The following SNX10 variants were observed in gnomAD, a reference collection of about 807,000 sequenced individuals.
SNX10 encodes sorting nexin-10.
In SNX10, 25 loss-of-function variants were observed where a neutral mutation model predicts 28.5. That is an observed-to-expected ratio of 0.88 (90% CI 0.64 to 1.22). SNX10 has a LOEUF of 1.22. SNX10 is among the 50% of genes most tolerant of loss of function. The pLI, the probability that SNX10 is intolerant of heterozygous loss-of-function variation, is 0.00. For missense variants in SNX10, 223 were observed against 242.6 expected, an observed-to-expected ratio of 0.92 and a Z score of 0.54; for synonymous variants, 62 against 81.4, an observed-to-expected ratio of 0.76 and a Z score of 1.28.
At chr7:26,308,766 G>A (rs759199678) in intron 1 of SNX10, among the ~76,000 whole-genome samples, 8 of 152,272 alleles carry the variant, frequency 5.3e-5, no homozygotes, top group African/African-American at 9.6e-5. Flanking sequence ...AAGCACAGGC[G>A]AAACAGCCTG....
chr7:26,301,576 G>A (rs979141022), intron 1 of SNX10, among the ~76,000 whole-genome samples: 6 of 152,176 alleles, frequency 3.9e-5, no homozygotes, highest in Non-Finnish European at 4.4e-5. Context: ...GTGTGACAAG[G>A]CTTTCTGACA....
intron 1 of SNX10, among the ~76,000 whole-genome samples, chr7:26,294,047 G>C (rs891144896): frequency 3.3e-5 from 5 of 152,144 alleles, no homozygotes; most frequent in African/African-American, 1.2e-4. Flanking sequence ...ACAGGGCTGT[G>C]GTTTCACAAC....
At chr7:26,309,764 A>G (rs1786747446) in intron 1 of SNX10, among the ~76,000 whole-genome samples, 1 of 152,076 alleles carries the variant, frequency 6.6e-6, no homozygotes, top group Non-Finnish European at 1.5e-5. Context: ...ATGTAGGGGT[A>G]CCTTGTGGTG....
At chr7:26,323,017 G>A (rs911191127) in intron 1 of SNX10, among the ~76,000 whole-genome samples, 2 of 152,166 alleles carry the variant, frequency 1.3e-5, no homozygotes, top group Admixed American at 6.5e-5. Context: ...GGAGTTCGAG[G>A]CAGAAGGATC....
At chr7:26,300,194 G>C (rs766361993) in intron 1 of SNX10, among the ~76,000 whole-genome samples, 2 of 152,088 alleles carry the variant, frequency 1.3e-5, no homozygotes, top group Non-Finnish European at 2.9e-5. Context: ...CTGGGCAACA[G>C]AGCGAGACTC....
At chr7:26,326,161 C>T (rs959711726) in intron 1 of SNX10, among the ~76,000 whole-genome samples, 7 of 152,124 alleles carry the variant, frequency 4.6e-5, no homozygotes, top group Non-Finnish European at 7.4e-5. Context: ...ATTTCGTTAA[C>T]GAGAAAACGT....
At chr7:26,365,010 T>C in intron 4 of SNX10, 37 bp from the exon 5 acceptor site, 1 of 1,297,566 alleles carries the variant, frequency 7.7e-7, no homozygotes, top group East Asian at 2.3e-5. Context: ...CACCTTGAGT[T>C]AATCATTTAA....
chr7:26,324,138 C>A (rs1236778815), intron 1 of SNX10, among the ~76,000 whole-genome samples: 1 of 152,048 alleles, frequency 6.6e-6, no homozygotes, highest in Non-Finnish European at 1.5e-5. Context: ...ATACAGGTAA[C>A]ATCCACTCAG....
chr7:26,319,577 A>C (rs944900414), intron 1 of SNX10, among the ~76,000 whole-genome samples: 2 of 152,190 alleles, frequency 1.3e-5, no homozygotes, highest in African/African-American at 4.8e-5. Context: ...ATCATTACAA[A>C]CATATTGGTC....
At chr7:26,310,415 T>A (rs73683283) in intron 1 of SNX10, among the ~76,000 whole-genome samples, 5,073 of 152,278 alleles carry the variant, frequency 0.033, 279 homozygotes, top group African/African-American at 0.11. Flanking sequence ...TCAGAGGACA[T>A]ATAATCCTCA....
intron 5 of SNX10, among the ~76,000 whole-genome samples, chr7:26,365,619 T>C (rs760465062): frequency 1.1e-4 from 16 of 151,942 alleles, no homozygotes; most frequent in Non-Finnish European, 2.1e-4. Context: ...TATAAAGGAG[T>C]ATTTGGTGGC....
chr7:26,353,462 G>GGA (rs1562813906), intron 2 of SNX10, among the ~76,000 whole-genome samples: 17 of 96,592 alleles, frequency 1.8e-4, no homozygotes, highest in Middle Eastern at 7.7e-3. Context: ...TTTTTTTTTG[G>GGA]TGGGGAGACA....
At chr7:26,348,581 C>T (rs1176714589) in intron 2 of SNX10, among the ~76,000 whole-genome samples, 2 of 152,210 alleles carry the variant, frequency 1.3e-5, no homozygotes, top group Non-Finnish European at 2.9e-5. Flanking sequence ...GCGGAGTTAT[C>T]CTCCCAGCAC....
chr7:26,360,972 C>T lies in SNX10; in HGVS notation c.25-3C>T, dbSNP rs751103102. Reference sequence around the variant, plus strand: ...TATTTCTTTGTTTATGATGCCATTACAGGAATTTGTAAGTGTCTGGGTTCG... The same window carrying T: ...TATTTCTTTGTTTATGATGCCATTATAGGAATTTGTAAGTGTCTGGGTTCG... On this transcript the variant is annotated splice_polypyrimidine_tract_variant and splice_region_variant and intron_variant, in intron 2 of 6. Transcript: ENST00000338523. The T allele has an allele frequency of 7.6e-6, 12 of 1,582,826 alleles. No homozygotes were observed. Among genetic ancestry groups the T allele is most frequent in the Non-Finnish European group, 7.7e-6 (9 of 1,162,528 alleles).
At chr7:26,353,212 C>T (rs1233187292) in intron 2 of SNX10, among the ~76,000 whole-genome samples, 1 of 152,158 alleles carries the variant, frequency 6.6e-6, no homozygotes, top group Non-Finnish European at 1.5e-5. Flanking sequence ...TTTAAACATA[C>T]TCCATGCTGT....
rs537452120 is a variant in SNX10 at position 26,372,943 on chromosome 7, G to A, written c.*371G>A. 1 of 197,936 alleles carries A rather than the reference G, an allele frequency of 5.1e-6. No individual in the cohort carries two copies. The highest frequency in any genetic ancestry group is 1.3e-4 in the East Asian group (1 of 7,420). The allele number at this position is 197,936 out of a possible 1,614,324, so 12.3% of individuals were successfully genotyped here. A position where few individuals can be genotyped will look rare whatever the true frequency, so the allele number is the denominator to read the frequency against. ...AGATAGAGCATTCCTTCTTGTATCA[G>A]TGGGGCAGTGTTACCATAAACACGG... On this transcript the variant is annotated 3_prime_UTR_variant, in exon 7 of 7. Coordinates refer to ENST00000338523, the MANE Select transcript of SNX10 (RefSeq NM_013322.3).
intron 1 of SNX10, among the ~76,000 whole-genome samples, chr7:26,320,871 C>T (rs772819560): frequency 2.0e-5 from 3 of 152,198 alleles, no homozygotes; most frequent in Admixed American, 6.5e-5. Flanking sequence ...ACAGATTCAC[C>T]TCTTTCCTTT....
chr7:26,332,325 C>T (rs934702236), intron 1 of SNX10, among the ~76,000 whole-genome samples: 9 of 152,164 alleles, frequency 5.9e-5, no homozygotes, highest in African/African-American at 2.2e-4. Context: ...TTGCATTTCT[C>T]TGGTAACTAA....
At chr7:26,346,949 C>G (rs1297202363) in intron 2 of SNX10, among the ~76,000 whole-genome samples, 1 of 152,248 alleles carries the variant, frequency 6.6e-6, no homozygotes, top group Non-Finnish European at 1.5e-5. Flanking sequence ...GCCCCCTGAG[C>G]CTCTCCCTGA....
Sources: allele counts gnomAD v4.1 joint callset (sites outside exome capture counted in the v4.1 genomes callset), GRCh38; gene constraint gnomAD v4.1.1; transcripts MANE v1.5; gene names NCBI Gene and HGNC (gene_info 2026-07-23, HGNC 2026-07-21).